POLM: variants seen among roughly 807,000 people sequenced by gnomAD.
POLM encodes the protein DNA-directed DNA/RNA polymerase mu.
A neutral mutation model predicts 56.7 loss-of-function variants in POLM; 52 were observed. The observed-to-expected ratio is 0.92, with a 90% CI of 0.73 to 1.15. The LOEUF is 1.15. Ranked by LOEUF, POLM falls within the 50% of genes most tolerant of loss-of-function variation. The pLI, the probability that POLM is intolerant of heterozygous loss-of-function variation, is 0.00. For synonymous variants in POLM, 273 were observed against 274.3 expected (o/e 1.00, Z 0.05); for missense variants, 660 against 663.6 (o/e 0.99, Z 0.06).
At chr7:44,073,455 A>C (rs780074799) in intron 10 of POLM, 78 bp from the exon 11 acceptor site, 6 of 1,585,372 alleles carry the variant, frequency 3.8e-6, no homozygotes, top group Non-Finnish European at 4.3e-6. Context: ...AGGGTGGGGA[A>C]GAGCCCAGCG....
intron 6 of POLM, 41 bp downstream of exon 6, chr7:44,076,468 G>C (rs770455102): frequency 6.2e-7 from 1 of 1,612,772 alleles, no homozygotes; most frequent in Non-Finnish European, 8.5e-7. Context: ...CCAGGGTGCA[G>C]TTTAGGGAAG....
Position 44,079,898 on chromosome 7 carries a change from C to CAG in POLM, c.433_434insCT (p.Arg145ProfsTer53). ...GTTGTGGTGTGTGAGGGGCGTAGGG[C>CAG]GCTGGCAGGCATAGGCAGGCATCCA... On this transcript the variant is annotated frameshift_variant, in exon 3 of 11. Coordinates refer to ENST00000242248, the MANE Select transcript of POLM (RefSeq NM_013284.4). LOFTEE classifies it high-confidence loss of function. 1 of 1,614,106 alleles carries CAG rather than the reference C, an allele frequency of 6.2e-7. No individual in the cohort carries two copies. Among genetic ancestry groups the CAG allele is most frequent in the South Asian group, 1.1e-5 (1 of 91,086 alleles).
chr7:44,073,095 C>T lies in POLM; in HGVS notation c.*196G>A, dbSNP rs7779139. 0.14 allele frequency: 205,184 copies of T among 1,460,488 alleles called. 16,043 individuals carry two copies. Among genetic ancestry groups the T allele is most frequent in the African/African-American group, 0.3 (20,951 of 70,534 alleles). 90.5% of individuals were successfully genotyped at this position (1,460,488 alleles called of 1,614,324 possible). ...TGATGAGGCTGGCACTGAGGGCTCC[C>T]ACCTCATCACACCCTGCAGCACACC... On this transcript the variant is annotated 3_prime_UTR_variant, in exon 11 of 11. Coordinates refer to ENST00000242248, the MANE Select transcript of POLM (RefSeq NM_013284.4).
intron 4 of POLM, 130 bp from the exon 5 acceptor site, chr7:44,078,941 T>C (rs2096191518): frequency 1.5e-6 from 1 of 683,902 alleles, no homozygotes; most frequent in Non-Finnish European, 2.4e-6. Context: ...AGAGACAACT[T>C]TGTGAGGTCA....
Position 44,079,567 on chromosome 7 carries a change from C to G in POLM, c.642+4G>C, listed in dbSNP as rs769932292. 1.2e-6 allele frequency: 2 copies of G among 1,613,198 alleles called. No homozygotes were observed. Among genetic ancestry groups the G allele is most frequent in the African/African-American group, 1.3e-5 (1 of 74,922 alleles). On this transcript the variant is annotated splice_donor_region_variant and intron_variant, in intron 4 of 10. Transcript: ENST00000242248. ...CTCACCCTGCTAGGATGGTAAGCAC[C>G]TACCTGGACAACCCTAGAGGAGTGT... is the stretch of plus-strand genomic sequence containing the variant.
intron 4 of POLM, among the ~76,000 whole-genome samples, chr7:44,079,321 C>A (rs2128802828): frequency 6.6e-6 from 1 of 152,274 alleles, no homozygotes; most frequent in Admixed American, 6.5e-5. Context: ...ACAATGACAA[C>A]AGTGTCACCC....
At chr7:44,076,208 G>A in intron 6 of POLM, 2 of 308,656 alleles carry the variant, frequency 6.5e-6, no homozygotes, top group Admixed American at 4.6e-5. Flanking sequence ...CATGTACCAA[G>A]CACCACACTG....
chr7:44,079,528 T>C, intron 4 of POLM, 43 bp downstream of exon 4: 1 of 1,506,316 alleles, frequency 6.6e-7, no homozygotes. Context: ...CCCCAAGGCC[T>C]CCCCACCCAC....
rs1318200201 is a variant in POLM, at chr7:44,081,702, G to A, written c.188+549C>T. Among the ~76,000 whole-genome samples the A allele has an allele frequency of 5.3e-5, 8 of 151,986 alleles. No homozygotes were observed. The South Asian group carries it at 1.4e-3, about 28-fold the overall frequency. The stretch of plus-strand genomic sequence containing the variant: ...TCTTGAGAAGTCAGTCTCGCTCACA[G>A]GTGGGACATAGCCCAGGCAGAAGGG... On this transcript the variant is annotated intron_variant, in intron 1 of 10. Transcript: ENST00000242248.
At chr7:44,080,321 T>C in intron 2 of POLM, 1 of 540,810 alleles carries the variant, frequency 1.8e-6, no homozygotes, top group Middle Eastern at 3.6e-4. Flanking sequence ...GCTCACAGGC[T>C]GGGCCAGGAT....
intron 4 of POLM, among the ~76,000 whole-genome samples, chr7:44,079,092 A>G (rs974081806): frequency 1.3e-5 from 2 of 152,212 alleles, no homozygotes; most frequent in African/African-American, 4.8e-5. Flanking sequence ...GGTAACGTGG[A>G]TCATCTCTCA....
chr7:44,078,843 C>G, intron 4 of POLM, 32 bp from the exon 5 acceptor site: 1 of 1,587,314 alleles, frequency 6.3e-7, no homozygotes, highest in East Asian at 2.2e-5. Context: ...AACTCTAAGC[C>G]TGAGGGCGTG....
At position 44,074,163 on chromosome 7, in the gene POLM, G is replaced by A; in HGVS notation, c.1039C>T (p.Leu347=). The change falls in exon 8 of 11, where the codon CTG becomes TTG. Residue 347 remains leucine (L), a synonymous_variant. Coordinates refer to ENST00000242248, the MANE Select transcript of POLM (RefSeq NM_013284.4). ...HPKEGQEAGL[L]PRVMCRLQDQ... The stretch of plus-strand genomic sequence containing the variant: ...TGCAGGCGGCACATCACTCTAGGCA[G>A]CAGCCCCGCCTCCTGACCCTCCTTG... 6.2e-7 allele frequency: 1 copy of A among 1,603,524 alleles called. No homozygotes were observed. Among genetic ancestry groups the A allele is most frequent in the Non-Finnish European group, 8.5e-7 (1 of 1,176,050 alleles).
intron 10 of POLM, 82 bp from the exon 11 acceptor site, chr7:44,073,459 C>T: frequency 6.3e-7 from 1 of 1,581,142 alleles, no homozygotes; most frequent in Non-Finnish European, 8.6e-7. Context: ...TGGGGAAGAG[C>T]CCAGCGCCGA....
Position 44,073,921 on chromosome 7 carries a change from GA to G in POLM, c.1175del (p.Phe392SerfsTer24). 1 of 1,614,226 alleles carries G rather than the reference GA, an allele frequency of 6.2e-7. No homozygotes were observed. The highest frequency in any genetic ancestry group is 2.2e-5 in the East Asian group (1 of 44,872). On this transcript the variant is annotated frameshift_variant, in exon 9 of 11. Coordinates refer to ENST00000242248, the MANE Select transcript of POLM (RefSeq NM_013284.4). LOFTEE classifies it high-confidence loss of function. The part of the protein sequence containing the change: ...MDAFERSFCI[F>X]RLPQPPGAAV... ...CAGCCCCTGGAGGTTGTGGTAGGCGGAAAATGCAGAAACTTCTCTCAAAAGC... is the reference window on the plus strand; with the variant it reads ...CAGCCCCTGGAGGTTGTGGTAGGCGGAAATGCAGAAACTTCTCTCAAAAGC...
intron 1 of POLM, 27 bp downstream of exon 1, chr7:44,082,224 C>T (rs1335170907): frequency 2.8e-6 from 4 of 1,422,382 alleles, no homozygotes; most frequent in Non-Finnish European, 3.7e-6. Flanking sequence ...GCCATGGAAG[C>T]CCTCGCCGCG....
At chr7:44,074,606 G>A in intron 6 of POLM, 76 bp from the exon 7 acceptor site, 1 of 1,453,692 alleles carries the variant, frequency 6.9e-7, no homozygotes, top group Non-Finnish European at 9.1e-7. Flanking sequence ...CCAGCATGAG[G>A]TGATCAACCT....
chr7:44,076,651 C>G (rs41549317), intron 5 of POLM, 22 bp from the exon 6 acceptor site: 3 of 1,612,688 alleles, frequency 1.9e-6, no homozygotes, highest in East Asian at 2.2e-5. Context: ...GAGCGTAGCC[C>G]GGTTGGGCAG....
rs776232791 is a variant in POLM at position 44,082,487 on chromosome 7, G to C, written c.-49C>G. 3 of 959,140 alleles carry C rather than the reference G, an allele frequency of 3.1e-6. No individual in the cohort carries two copies. The highest frequency in any genetic ancestry group is 2.8e-5 in the South Asian group (1 of 36,198). 59.4% of individuals were successfully genotyped at this position (959,140 alleles called of 1,614,324 possible). A position where few individuals can be genotyped will look rare whatever the true frequency, so the allele number is the denominator to read the frequency against. On this transcript the variant is annotated 5_prime_UTR_variant, in exon 1 of 11. Coordinates refer to ENST00000242248, the MANE Select transcript of POLM (RefSeq NM_013284.4). ...CGGAGCGAACGCAGAGGGAAACTCCGAGCGAGACGGAAGGAAGCCCCAGTG... is the reference window on the plus strand; with the variant it reads ...CGGAGCGAACGCAGAGGGAAACTCCCAGCGAGACGGAAGGAAGCCCCAGTG...
Sources: allele counts gnomAD v4.1 joint callset (sites outside exome capture counted in the v4.1 genomes callset), GRCh38; gene constraint gnomAD v4.1.1; transcripts MANE v1.5; gene names NCBI Gene and HGNC (gene_info 2026-07-23, HGNC 2026-07-21).